The following CDC42BPB variants were observed in gnomAD, a reference collection of about 807,000 sequenced individuals.
CDC42BPB encodes CDC42 binding protein kinase beta.
CDC42BPB carries 37 observed loss-of-function variants against 214.9 expected under a neutral mutation model. The observed-to-expected ratio is 0.17, with a 90% CI of 0.13 to 0.23. The LOEUF is 0.23. Among genes scored for constraint, CDC42BPB ranks in the 10% least tolerant of loss-of-function variants. CDC42BPB has a pLI of 1.00. For missense variants in CDC42BPB, 1,694 were observed against 2,227.0 expected, an observed-to-expected ratio of 0.76 and a Z score of 4.82; for synonymous variants, 931 against 884.0, an observed-to-expected ratio of 1.05 and a Z score of -0.94.
intron 7 of CDC42BPB, among the ~76,000 whole-genome samples, chr14:102,982,733 C>T (rs1306089041): frequency 6.6e-6 from 1 of 151,912 alleles, no homozygotes; most frequent in East Asian, 1.9e-4. Flanking sequence ...GCACTCCAGC[C>T]TGGGCGACAA....
intron 1 of CDC42BPB, among the ~76,000 whole-genome samples, chr14:103,027,894 C>G (rs1193268062): frequency 1.3e-5 from 2 of 152,186 alleles, no homozygotes; most frequent in African/African-American, 4.8e-5. Flanking sequence ...CTTTGGGAGG[C>G]CAAAGCAGGT....
At chr14:102,938,940 ATT>A (rs528691728) in intron 34 of CDC42BPB, among the ~76,000 whole-genome samples, 16 of 121,364 alleles carry the variant, frequency 1.3e-4, no homozygotes, top group Admixed American at 4.3e-4. Flanking sequence ...AAAATACATA[ATT>A]TTTTTTTTTT....
At chr14:102,971,214 C>T (rs1290569252) in intron 13 of CDC42BPB, among the ~76,000 whole-genome samples, 1 of 152,198 alleles carries the variant, frequency 6.6e-6, no homozygotes, top group Non-Finnish European at 1.5e-5. Context: ...TAAAGAACAG[C>T]TAACAAAATG....
rs1566861406 is a variant in CDC42BPB, at chr14:102,963,068, T to G, written c.2814A>C (p.Ala938=). Residue 938 remains alanine (A), a synonymous_variant, in exon 20 of 37, where the codon GCA becomes GCC. Coordinates refer to ENST00000361246, the MANE Select transcript of CDC42BPB (RefSeq NM_006035.4). ...CGCACAACATTAATTTACCAGTATCTGCTCTGAATTTTTCTTCCATCTTTT... is the reference window on the plus strand; with the variant it reads ...CGCACAACATTAATTTACCAGTATCGGCTCTGAATTTTTCTTCCATCTTTT... ...LKKKMEEKFR[A]DTGLKLPDFQ... is the part of the protein sequence containing the mutation. 1 of 1,395,538 alleles carries G rather than the reference T, an allele frequency of 7.2e-7. No homozygotes were observed. The highest frequency in any genetic ancestry group is 1.2e-5 in the South Asian group (1 of 85,612). The allele number at this position is 1,395,538 out of a possible 1,614,324, so 86.4% of individuals were successfully genotyped here. A position where few individuals can be genotyped will look rare whatever the true frequency, so the allele number is the denominator to read the frequency against.
intron 36 of CDC42BPB, among the ~76,000 whole-genome samples, chr14:102,934,369 C>T (rs1254410324): frequency 3.3e-5 from 5 of 152,102 alleles, no homozygotes; most frequent in Non-Finnish European, 7.4e-5. Flanking sequence ...CCCGTCTCTA[C>T]TAAAAATACA....
intron 21 of CDC42BPB, among the ~76,000 whole-genome samples, chr14:102,958,075 G>T (rs1892790600): frequency 6.6e-6 from 1 of 152,196 alleles, no homozygotes; most frequent in African/African-American, 2.4e-5. Flanking sequence ...CAGATTAAAG[G>T]AAACAAAAGA....
At chr14:102,975,581 T>A in intron 11 of CDC42BPB, 103 bp downstream of exon 11, 1 of 1,249,368 alleles carries the variant, frequency 8.0e-7, no homozygotes, top group South Asian at 1.4e-5. Context: ...AAGCCTAAGC[T>A]TTTTTTCTGC....
chr14:102,985,515 G>A (rs118000351), intron 6 of CDC42BPB, among the ~76,000 whole-genome samples: 2 of 152,246 alleles, frequency 1.3e-5, no homozygotes, highest in African/African-American at 2.4e-5. Context: ...GACTGGAGTG[G>A]AGGACAGCAC....
intron 1 of CDC42BPB, among the ~76,000 whole-genome samples, chr14:103,048,532 C>CAAAAAAAAAAAAAAAAAAA (rs71119751): frequency 2.3e-5 from 1 of 42,660 alleles, no homozygotes; most frequent in Non-Finnish European, 4.0e-5. Flanking sequence ...ACTAAAAATA[C>CAAAAAAAAAAAAAAAAAAA]AAAAAAAAAA....
chr14:102,963,222 G>A, intron 19 of CDC42BPB, 67 bp from the exon 20 acceptor site: 2 of 1,542,246 alleles, frequency 1.3e-6, no homozygotes, highest in South Asian at 1.2e-5. Context: ...GTATGGGGCA[G>A]GTCAGGATGA....
In CDC42BPB at chr14:102,938,325, G is replaced by A. The variant is rs546242586; in HGVS notation, c.4914C>T (p.Tyr1638=). 20 of 1,607,686 alleles carry A rather than the reference G, an allele frequency of 1.2e-5. No individual in the cohort carries two copies. The South Asian group carries it at 2.1e-4, about 17-fold the overall frequency. ...CTGTACCTGATGAGGGCCACGAGAT[G>A]TAGGGCTTGTTCCTGGATGGAGGCT... ...ARQPPSRNKP[Y]ISWPSSGGSE... Residue 1638 remains tyrosine, a synonymous_variant, in exon 35 of 37, where the codon TAC becomes TAT. Transcript: ENST00000361246.
In CDC42BPB at chr14:102,975,926, C is replaced by T. The variant is rs1352030077; in HGVS notation, c.1344G>A (p.Arg448=). Residue 448 remains arginine (R), a synonymous_variant, in exon 10 of 37, where the codon CGG becomes CGA. Coordinates refer to ENST00000361246, the MANE Select transcript of CDC42BPB (RefSeq NM_006035.4). Reference sequence around the variant, plus strand: ...GCTCCAGCTTCTCCTGTTCCAGCCTCCGAATCCTCCTCTCGTAAGCTTCCA... The same window carrying T: ...GCTCCAGCTTCTCCTGTTCCAGCCTTCGAATCCTCCTCTCGTAAGCTTCCA... ...LQMEAYERRI[R]RLEQEKLELS... is the part of the protein sequence containing the mutation. 1 of 1,614,192 alleles carries T rather than the reference C, an allele frequency of 6.2e-7. No individual in the cohort carries two copies. Among genetic ancestry groups the T allele is most frequent in the South Asian group, 1.1e-5 (1 of 91,088 alleles).
chr14:102,952,586 G>T lies in CDC42BPB; in HGVS notation c.3084C>A (p.Phe1028Leu), dbSNP rs941942131. 6.2e-7 allele frequency: 1 copy of T among 1,613,678 alleles called. No homozygotes were observed. Among genetic ancestry groups the T allele is most frequent in the Non-Finnish European group, 8.5e-7 (1 of 1,179,784 alleles). Residue 1028 changes from phenylalanine to leucine, a missense_variant, in exon 24 of 37, where the codon TTC (phenylalanine) becomes TTA (leucine). Coordinates refer to ENST00000361246, the MANE Select transcript of CDC42BPB (RefSeq NM_006035.4). ...LAGPKPKAHQFSIKSFSSPTQ... is the reference protein window; with the variant it reads ...LAGPKPKAHQLSIKSFSSPTQ... ...TAGGGCTGGAGAAGGACTTGATGCT[G>T]AACTGGTGAGCTTTTGGCTGGAAGG...
chr14:102,935,298 T>C (rs192568192), intron 36 of CDC42BPB, among the ~76,000 whole-genome samples: 62 of 152,134 alleles, frequency 4.1e-4, no homozygotes, highest in Non-Finnish European at 6.6e-4. Context: ...GTTGTGTTTC[T>C]ATACACCAGA....
intron 16 of CDC42BPB, among the ~76,000 whole-genome samples, 179 bp downstream of exon 16, chr14:102,968,074 G>A (rs1160722481): frequency 6.6e-6 from 1 of 150,562 alleles, no homozygotes; most frequent in Non-Finnish European, 1.5e-5. Flanking sequence ...CAGCCTGAGC[G>A]ACAGAGCGAG....
chr14:102,997,555 G>T (rs887362364), intron 5 of CDC42BPB, among the ~76,000 whole-genome samples: 1 of 152,230 alleles, frequency 6.6e-6, no homozygotes, highest in African/African-American at 2.4e-5. Flanking sequence ...CAACGTGGAA[G>T]AGAGGAGGGG....
chr14:102,972,667 C>A, intron 12 of CDC42BPB, among the ~76,000 whole-genome samples: 1 of 112,666 alleles, frequency 8.9e-6, no homozygotes, highest in East Asian at 2.5e-4. Context: ...CCAGGCTGGG[C>A]GACAGAGCAA....
intron 23 of CDC42BPB, among the ~76,000 whole-genome samples, chr14:102,953,102 C>G (rs953059971): frequency 6.6e-6 from 1 of 152,264 alleles, no homozygotes; most frequent in Non-Finnish European, 1.5e-5. Flanking sequence ...ATTGTGAACC[C>G]AGCGGCAACT....
chr14:102,971,963 C>T lies in CDC42BPB; in HGVS notation c.1840G>A (p.Ala614Thr), dbSNP rs1893492115. Residue 614 changes from alanine to threonine, a missense_variant, in exon 13 of 37, where the codon GCC becomes ACC. This residue lies in a region of CDC42BPB where 462 missense variants were observed against 513.5 expected (regional missense o/e 0.90). Coordinates refer to ENST00000361246, the MANE Select transcript of CDC42BPB (RefSeq NM_006035.4). Reference sequence around the variant, plus strand: ...GCTCTCCGCATTTCCTGCCGCATGGCGTCCACCTTCTGCGTGGCCACCTCC... The same window carrying T: ...GCTCTCCGCATTTCCTGCCGCATGGTGTCCACCTTCTGCGTGGCCACCTCC... ...EMEVATQKVD[A>T]MRQEMRRAEK... The T allele has an allele frequency of 3.1e-6, 5 of 1,614,108 alleles. No individual in the cohort carries two copies. The highest frequency in any genetic ancestry group is 1.3e-5 in the African/African-American group (1 of 74,946).
Sources: gnomAD v4.1 joint callset for allele counts (sites outside exome capture counted in the v4.1 genomes callset) on GRCh38, gnomAD v4.1.1 for gene constraint, gnomAD v4.1.1 regional missense constraint, MANE v1.5 for transcripts, NCBI Gene and HGNC (gene_info 2026-07-23, HGNC 2026-07-21) for gene names.